PTPRT: variants seen among roughly 807,000 people sequenced by gnomAD.
PTPRT encodes the protein receptor-type tyrosine-protein phosphatase T.
A neutral mutation model predicts 176.8 loss-of-function variants in PTPRT; 56 were observed. That is an observed-to-expected ratio of 0.32 (90% CI 0.26 to 0.40). The LOEUF (loss-of-function observed/expected upper bound fraction) is 0.40. PTPRT is among the 10% of genes least tolerant of loss of function. The probability of loss-of-function intolerance (pLI) is 1.00; values close to 1 mark genes in which losing one functional copy is unlikely to be tolerated. For missense variants in PTPRT, 1,540 were observed against 1,908.2 expected (o/e 0.81, Z 3.60); for synonymous variants, 783 against 739.0 (o/e 1.06, Z -0.96).
chr20:42,209,324 CA>C (rs1358475696), intron 15 of PTPRT, among the ~76,000 whole-genome samples: 1 of 151,804 alleles, frequency 6.6e-6, no homozygotes, highest in African/African-American at 2.4e-5. Flanking sequence ...AATAGAGACA[CA>C]AAAAACCCTT....
chr20:42,756,663 G>A, intron 5 of PTPRT, 27 bp from the exon 6 acceptor site: 3 of 1,528,464 alleles, frequency 2.0e-6, no homozygotes, highest in Non-Finnish European at 1.8e-6. Context: ...GAGAGGGAGA[G>A]GAGGAATCAT....
chr20:42,249,865 A>T (rs1221659721), intron 13 of PTPRT, among the ~76,000 whole-genome samples: 2 of 152,220 alleles, frequency 1.3e-5, no homozygotes, highest in Non-Finnish European at 2.9e-5. Context: ...CATTCTAGAG[A>T]GTAGTCCAGG....
intron 1 of PTPRT, among the ~76,000 whole-genome samples, chr20:43,049,464 A>G (rs949697333): frequency 1.3e-5 from 2 of 152,334 alleles, no homozygotes; most frequent in East Asian, 1.9e-4. Context: ...AGAAGAAGAC[A>G]GTAAAAAGGA....
At chr20:42,568,851 C>T (rs1248382391) in intron 7 of PTPRT, among the ~76,000 whole-genome samples, 1 of 151,268 alleles carries the variant, frequency 6.6e-6, no homozygotes, top group African/African-American at 2.4e-5. Flanking sequence ...AGTTCAAGAC[C>T]AGCCTGGCCA....
At chr20:42,877,038 G>A (rs1296847872) in intron 2 of PTPRT, among the ~76,000 whole-genome samples, 1 of 152,172 alleles carries the variant, frequency 6.6e-6, no homozygotes, top group Non-Finnish European at 1.5e-5. Context: ...TGTAGGGTTT[G>A]TGGTTGAAAC....
intron 10 of PTPRT, among the ~76,000 whole-genome samples, 163 bp from the exon 11 acceptor site, chr20:42,350,893 G>A (rs1052461661): frequency 5.9e-5 from 9 of 152,312 alleles, no homozygotes; most frequent in Middle Eastern, 3.4e-3. Context: ...AGGAGGCCCC[G>A]ATGCCCAACC....
intron 1 of PTPRT, among the ~76,000 whole-genome samples, chr20:43,071,946 T>A (rs2011186498): frequency 6.6e-6 from 1 of 152,224 alleles, no homozygotes. Flanking sequence ...TTTCCATTGG[T>A]TTGCACCCAG....
intron 12 of PTPRT, among the ~76,000 whole-genome samples, chr20:42,286,423 A>T (rs977879619): frequency 1.3e-5 from 2 of 151,946 alleles, no homozygotes; most frequent in Non-Finnish European, 2.9e-5. Context: ...CGCCAAAATT[A>T]ATGCACATAT....
In PTPRT at chr20:42,564,992, T is replaced by C. The variant is rs186517017; in HGVS notation, c.1154-92430A>G. Among the ~76,000 whole-genome samples the C allele has an allele frequency of 4.6e-5, 7 of 152,230 alleles. No homozygotes were observed. The East Asian group carries it at 1.4e-3, about 29-fold the overall frequency. On this transcript the variant is annotated intron_variant, in intron 7 of 30. Transcript: ENST00000373187. ...CTGAGGATACTGAGGGTCAACCGTATTTCCATTCTGATGGCTTTGCAGAGG... is the reference window on the plus strand; with the variant it reads ...CTGAGGATACTGAGGGTCAACCGTACTTCCATTCTGATGGCTTTGCAGAGG...
chr20:42,495,062 C>T (rs541146717), intron 7 of PTPRT, among the ~76,000 whole-genome samples: 1 of 152,246 alleles, frequency 6.6e-6, no homozygotes, highest in Admixed American at 6.5e-5. Flanking sequence ...TTCTTGTCTT[C>T]CTCACTGAAA....
chr20:42,287,182 C>A (rs2057244772), intron 12 of PTPRT, among the ~76,000 whole-genome samples: 1 of 151,804 alleles, frequency 6.6e-6, no homozygotes, highest in Non-Finnish European at 1.5e-5. Context: ...ACAGAGGTTC[C>A]TCAAAAAAAC....
intron 2 of PTPRT, among the ~76,000 whole-genome samples, chr20:42,864,198 A>G: frequency 6.6e-6 from 1 of 152,236 alleles, no homozygotes; most frequent in Middle Eastern, 3.2e-3. Flanking sequence ...GCTGAGTCTC[A>G]GTAAGCACAC....
intron 1 of PTPRT, among the ~76,000 whole-genome samples, chr20:43,011,451 C>T (rs1399903222): frequency 6.6e-6 from 1 of 152,184 alleles, no homozygotes; most frequent in African/African-American, 2.4e-5. Context: ...GTAAGACCCA[C>T]CAGCCCTTCT....
the PTPRT span, among the ~76,000 whole-genome samples, chr20:42,047,892 G>C: frequency 6.6e-6 from 1 of 152,162 alleles, no homozygotes; most frequent in Non-Finnish European, 1.5e-5. Context: ...CATCTTCCTA[G>C]TCTTGGTCTC....
intron 7 of PTPRT, among the ~76,000 whole-genome samples, chr20:42,485,365 G>A (rs866167196): frequency 6.6e-6 from 1 of 152,238 alleles, no homozygotes. Flanking sequence ...ATTTCTGATG[G>A]TCAAAAGCCA....
chr20:42,507,214 G>A (rs2071863003), intron 7 of PTPRT, among the ~76,000 whole-genome samples: 1 of 152,138 alleles, frequency 6.6e-6, no homozygotes, highest in Non-Finnish European at 1.5e-5. Context: ...GAATCGTGTG[G>A]ATGAGAAATC....
chr20:42,160,998 C>T (rs1277770367), intron 17 of PTPRT, among the ~76,000 whole-genome samples: 4 of 152,048 alleles, frequency 2.6e-5, no homozygotes, highest in African/African-American at 9.7e-5. Context: ...GAGCTTGAGC[C>T]ATTCTGGCAT....
At chr20:42,853,279 A>G (rs1378691481) in intron 2 of PTPRT, among the ~76,000 whole-genome samples, 4 of 152,174 alleles carry the variant, frequency 2.6e-5, no homozygotes, top group African/African-American at 9.7e-5. Context: ...AGAATATATA[A>G]AGATATATAA....
chr20:42,228,066 A>G (rs2056058409), intron 15 of PTPRT, among the ~76,000 whole-genome samples: 1 of 152,232 alleles, frequency 6.6e-6, no homozygotes, highest in South Asian at 2.1e-4. Flanking sequence ...TTTATGAGGT[A>G]GAAGCATTAA....
Sources: gnomAD v4.1 joint callset for allele counts (sites outside exome capture counted in the v4.1 genomes callset) on GRCh38, gnomAD v4.1.1 for gene constraint, MANE v1.5 for transcripts, NCBI Gene and HGNC (gene_info 2026-07-23, HGNC 2026-07-21) for gene names.